The following SAMD4A variants were observed in gnomAD, a reference collection of about 807,000 sequenced individuals.
SAMD4A encodes sterile alpha motif domain containing 4A, also known as protein Smaug homolog 1.
In SAMD4A, 33 loss-of-function variants were observed where a neutral mutation model predicts 81.3. That is an observed-to-expected ratio of 0.41 (90% CI 0.31 to 0.54). The LOEUF (loss-of-function observed/expected upper bound fraction) is 0.54. Ranked by LOEUF, SAMD4A falls within the 20% of genes least tolerant of loss-of-function variation. The pLI is 0.37. For missense variants in SAMD4A, 854 were observed against 951.1 expected (o/e 0.90, Z 1.34); for synonymous variants, 389 against 382.1 (o/e 1.02, Z -0.21).
chr14:54,614,293 G>A (rs1443062455), intron 2 of SAMD4A, among the ~76,000 whole-genome samples: 3 of 152,016 alleles, frequency 2.0e-5, no homozygotes. Flanking sequence ...ATAAATTAAT[G>A]AATACATATT....
intron 2 of SAMD4A, among the ~76,000 whole-genome samples, chr14:54,577,631 G>A (rs756481771): frequency 2.0e-5 from 3 of 152,118 alleles, no homozygotes; most frequent in South Asian, 4.1e-4. Flanking sequence ...ATGTGGTTGC[G>A]CCCAAAGCCA....
intron 4 of SAMD4A, among the ~76,000 whole-genome samples, chr14:54,738,462 T>G (rs1352626608): frequency 1.3e-5 from 2 of 152,294 alleles, no homozygotes; most frequent in East Asian, 3.9e-4. Flanking sequence ...CCACCCCCAT[T>G]TCATTGATGG....
intron 2 of SAMD4A, among the ~76,000 whole-genome samples, chr14:54,699,432 GT>G (rs1266804622): frequency 6.6e-6 from 1 of 152,120 alleles, no homozygotes; most frequent in Non-Finnish European, 1.5e-5. Flanking sequence ...CCATCTGAAT[GT>G]CTCCAGCCCT....
chr14:54,772,947 A>T (rs193190604), intron 9 of SAMD4A, among the ~76,000 whole-genome samples: 244 of 152,258 alleles, frequency 1.6e-3, no homozygotes, highest in Middle Eastern at 0.01. Flanking sequence ...CTTCCTTCAA[A>T]CCAAAAAATC....
intron 2 of SAMD4A, among the ~76,000 whole-genome samples, chr14:54,672,020 GTTT>G (rs56900347): frequency 0.31 from 38,266 of 125,074 alleles, 5,542 homozygotes; most frequent in Admixed American, 0.43. Flanking sequence ...TGTTTATAGT[GTTT>G]TTTTTTTTTT....
At chr14:54,629,395 A>T (rs1254226759) in intron 2 of SAMD4A, among the ~76,000 whole-genome samples, 2 of 152,148 alleles carry the variant, frequency 1.3e-5, no homozygotes, top group Non-Finnish European at 2.9e-5. Context: ...CAGTCATCCT[A>T]GGAAGCTAAT....
intron 2 of SAMD4A, among the ~76,000 whole-genome samples, chr14:54,670,076 A>T (rs981948443): frequency 2.0e-5 from 3 of 152,202 alleles, no homozygotes; most frequent in African/African-American, 7.2e-5. Context: ...ACAACTTTAT[A>T]GATTAATGAA....
Position 54,760,345 on chromosome 14 carries a change from C to A in SAMD4A, c.1361C>A (p.Ala454Asp). The A allele has an allele frequency of 6.3e-7, 1 of 1,592,174 alleles. No homozygotes were observed. ...CAGAGCCCCGACTGCAAAGATGGGG[C>A]CGCAGCCACTGGCGCCACGGCCACC... ...ESQSPDCKDG[A>D]AATGATATPS... Residue 454 changes from alanine to aspartate, a missense_variant, in exon 7 of 13, where the codon GCC becomes GAC. By Grantham distance (126) the Ala-to-Asp change is moderately radical. Around this residue, in one of 3 missense-constraint regions of SAMD4A, gnomAD observed 428 missense variants for 471.2 expected, o/e 0.91. Coordinates refer to ENST00000554335, the MANE Select transcript of SAMD4A (RefSeq NM_015589.6).
Position 54,691,658 on chromosome 14 carries a change from G to C in SAMD4A, c.197-10404G>C, listed in dbSNP as rs12432873. Among the ~76,000 whole-genome samples the C allele has an allele frequency of 0.021, 3,196 of 151,850 alleles. 240 individuals carry two copies. The East Asian group carries it at 0.27, about 13-fold the overall frequency. Reference sequence around the variant, plus strand: ...GTGCACAAGTAACAGGTGAAAATCAGCAGCCTTTTACTGCTTACTGTTGCA... The same window carrying C: ...GTGCACAAGTAACAGGTGAAAATCACCAGCCTTTTACTGCTTACTGTTGCA... On this transcript the variant is annotated intron_variant, in intron 2 of 12. Coordinates refer to ENST00000554335, the MANE Select transcript of SAMD4A (RefSeq NM_015589.6).
At chr14:54,621,477 G>A (rs764845369) in intron 2 of SAMD4A, among the ~76,000 whole-genome samples, 5 of 151,820 alleles carry the variant, frequency 3.3e-5, no homozygotes, top group African/African-American at 7.2e-5. Flanking sequence ...AGCTTCCTGC[G>A]TAGCTGGGAC....
chr14:54,700,001 C>G (rs1011874018), intron 2 of SAMD4A, among the ~76,000 whole-genome samples: 8 of 152,354 alleles, frequency 5.3e-5, no homozygotes, highest in African/African-American at 1.9e-4. Context: ...GTTGTAAGCA[C>G]AGTAAACCCA....
chr14:54,780,288 A>T (rs1475646751), intron 11 of SAMD4A, among the ~76,000 whole-genome samples: 1 of 152,140 alleles, frequency 6.6e-6, no homozygotes, highest in African/African-American at 2.4e-5. Flanking sequence ...GCAGCATTTC[A>T]TGGTGTGACT....
At chr14:54,665,047 C>T (rs1388412091) in intron 2 of SAMD4A, among the ~76,000 whole-genome samples, 4 of 152,076 alleles carry the variant, frequency 2.6e-5, no homozygotes, top group African/African-American at 7.2e-5. Flanking sequence ...CTTCCTCTGT[C>T]TCTGTGTCGT....
At chr14:54,773,475 AAAG>A (rs1486630715) in intron 9 of SAMD4A, among the ~76,000 whole-genome samples, 1 of 152,230 alleles carries the variant, frequency 6.6e-6, no homozygotes, top group Non-Finnish European at 1.5e-5. Context: ...CTCTTCTTGG[AAAG>A]AATGTGCTGG....
At chr14:54,566,700 C>A (rs1225432947), upstream of SAMD4A, among the ~76,000 whole-genome samples, 1 of 151,700 alleles carries the variant, frequency 6.6e-6, no homozygotes, top group Non-Finnish European at 1.5e-5. Flanking sequence ...AGGCTCCGGG[C>A]CGGACAGACC....
intron 2 of SAMD4A, among the ~76,000 whole-genome samples, chr14:54,663,940 T>C (rs901358725): frequency 1.3e-5 from 2 of 152,238 alleles, no homozygotes; most frequent in African/African-American, 4.8e-5. Context: ...AGTATGCCAG[T>C]TGTACTTATT....
intron 2 of SAMD4A, among the ~76,000 whole-genome samples, chr14:54,581,614 A>T (rs2033471326): frequency 6.6e-6 from 1 of 152,238 alleles, no homozygotes; most frequent in African/African-American, 2.4e-5. Flanking sequence ...TTTTGGAGAA[A>T]GCCACATAAA....
chr14:54,604,651 C>T (rs2034151050), intron 2 of SAMD4A, among the ~76,000 whole-genome samples: 2 of 151,982 alleles, frequency 1.3e-5, no homozygotes, highest in Non-Finnish European at 2.9e-5. Flanking sequence ...CTTATAAATC[C>T]TAAATGAAAA....
chr14:54,675,811 A>T (rs1038798554), intron 2 of SAMD4A, among the ~76,000 whole-genome samples: 1 of 152,200 alleles, frequency 6.6e-6, no homozygotes, highest in African/African-American at 2.4e-5. Context: ...CTCTGTGGTT[A>T]TGGGGACATC....
Sources: gnomAD v4.1 joint callset for allele counts (sites outside exome capture counted in the v4.1 genomes callset) on GRCh38, gnomAD v4.1.1 for gene constraint, gnomAD v4.1.1 regional missense constraint, MANE v1.5 for transcripts, NCBI Gene and HGNC (gene_info 2026-07-23, HGNC 2026-07-21) for gene names.